AQP2: variants seen among roughly 807,000 people sequenced by gnomAD.
AQP2 encodes aquaporin-2.
Under a neutral mutation model 21.6 loss-of-function variants are expected in AQP2, and 20 were observed. The observed-to-expected ratio is 0.92, with a 90% confidence interval of 0.65 to 1.34. AQP2 has a LOEUF of 1.34. Ranked by LOEUF, AQP2 falls within the 40% of genes most tolerant of loss-of-function variation. The pLI, the probability that AQP2 is intolerant of heterozygous loss-of-function variation, is 0.00. For missense variants in AQP2, 325 were observed against 363.4 expected, an observed-to-expected ratio of 0.89 and a Z score of 0.86; for synonymous variants, 168 against 166.9, an observed-to-expected ratio of 1.01 and a Z score of -0.05.
rs751967196 is a variant in AQP2, at chr12:49,955,518, G to A, written c.726G>A (p.Pro242=). The A allele has an allele frequency of 3.6e-5, 58 of 1,612,010 alleles. No individual in the cohort carries two copies. Among genetic ancestry groups the A allele is most frequent in the Non-Finnish European group, 4.5e-5 (53 of 1,179,676 alleles). Residue 242 remains proline, a synonymous_variant, in exon 4 of 4, where the codon CCG becomes CCA. Transcript: ENST00000199280. ...TGGCAGTGCTGAAGGGCCTGGAGCC[G>A]GACACCGATTGGGAGGAGCGCGAGG... ...ERLAVLKGLE[P]DTDWEEREVR...
At chr12:49,951,388 A>T in intron 1 of AQP2, 198 bp downstream of exon 1, 1 of 755,882 alleles carries the variant, frequency 1.3e-6, no homozygotes, top group Non-Finnish European at 2.0e-6. Context: ...GCAAAGCAGG[A>T]TGCAGACAGA....
In AQP2 at chr12:49,956,680, C is replaced by T. The variant is rs1486459191; in HGVS notation, c.*1072C>T. 1.3e-5 allele frequency: 2 copies of T among 152,260 alleles called. No homozygotes were observed. The highest frequency in any genetic ancestry group is 4.8e-5 in the African/African-American group (2 of 41,448). 9.4% of individuals were successfully genotyped at this position (152,260 alleles called of 1,614,324 possible). ...ACACTCAGTTTCACAAGTGAGCCCT[C>T]TTGCCCAGCACACACCTATGGCTGG... On this transcript the variant is annotated 3_prime_UTR_variant, in exon 4 of 4. Coordinates refer to ENST00000199280, the MANE Select transcript of AQP2 (RefSeq NM_000486.6).
chr12:49,957,718 G>A lies in AQP2; in HGVS notation c.*2110G>A, dbSNP rs1339586010. On this transcript the variant is annotated 3_prime_UTR_variant, in exon 4 of 4. Coordinates refer to ENST00000199280, the MANE Select transcript of AQP2 (RefSeq NM_000486.6). Reference sequence around the variant, plus strand: ...CCACTTGGCCTCACTACCAGAAGAAGGGTGGAGTCAGAAACCAAAGTGACC... The same window carrying A: ...CCACTTGGCCTCACTACCAGAAGAAAGGTGGAGTCAGAAACCAAAGTGACC... 1 of 152,216 alleles carries A rather than the reference G, an allele frequency of 6.6e-6. No homozygotes were observed. The highest frequency in any genetic ancestry group is 2.4e-5 in the African/African-American group (1 of 41,428). 9.4% of individuals were successfully genotyped at this position (152,216 alleles called of 1,614,324 possible). A position where few individuals can be genotyped will look rare whatever the true frequency, so the allele number is the denominator to read the frequency against.
chr12:49,951,465 C>A, intron 1 of AQP2: 1 of 520,660 alleles, frequency 1.9e-6, no homozygotes, highest in Non-Finnish European at 3.4e-6. Context: ...TTGGACTCAA[C>A]GCCTACATTA....
In AQP2 at chr12:49,958,001, A is replaced by G. The variant is rs1461071954; in HGVS notation, c.*2393A>G. ...TTGCCCAGATTGGAGTCAGAGGTCA[A>G]AAAAGGATTCCAAGTGATGGAACTC... On this transcript the variant is annotated 3_prime_UTR_variant, in exon 4 of 4. Transcript: ENST00000199280. The G allele has an allele frequency of 6.6e-6, 1 of 152,218 alleles. No homozygotes were observed. The highest frequency in any genetic ancestry group is 1.5e-5 in the Non-Finnish European group (1 of 68,048). 9.4% of individuals were successfully genotyped at this position (152,218 alleles called of 1,614,324 possible).
rs1947359687 is a variant in AQP2, at chr12:49,955,384, T to C, written c.607-15T>C. On this transcript the variant is annotated splice_polypyrimidine_tract_variant and intron_variant, in intron 3 of 3. Coordinates refer to ENST00000199280, the MANE Select transcript of AQP2 (RefSeq NM_000486.6). ...CCGGCGCGGGTGCCAAGCCGCCCTC[T>C]CCGCTCGCCCCCAGGTCTTCTGGAT... The C allele has an allele frequency of 6.2e-7, 1 of 1,609,820 alleles. No homozygotes were observed. Among genetic ancestry groups the C allele is most frequent in the African/African-American group, 1.3e-5 (1 of 74,844 alleles).
rs575346865 is a variant in AQP2, at chr12:49,951,003, C to G, written c.173C>G (p.Ala58Gly). The stretch of plus-strand genomic sequence containing the variant: ...TTGGGTATTGGCACCCTGGTACAGG[C>G]TCTGGGCCACATAAGCGGGGCCCAC... ...FGLGIGTLVQALGHISGAHIN... is the reference protein window; with the variant it reads ...FGLGIGTLVQGLGHISGAHIN... Residue 58 changes from alanine (A) to glycine (G), a missense_variant, in exon 1 of 4, where the codon GCT (alanine) becomes GGT (glycine). Transcript: ENST00000199280. 6.8e-6 allele frequency: 11 copies of G among 1,614,122 alleles called. No homozygotes were observed. Among genetic ancestry groups the G allele is most frequent in the African/African-American group, 2.7e-5 (2 of 75,074 alleles).
At position 49,950,765 on chromosome 12, in the gene AQP2, C is replaced by A; in HGVS notation, c.-66C>A. 6.4e-7 allele frequency: 1 copy of A among 1,571,880 alleles called. No individual in the cohort carries two copies. The highest frequency in any genetic ancestry group is 1.1e-5 in the South Asian group (1 of 88,504). ...CCTTGAGAAAGAGAGCGATAGAGTG[C>A]GAGAGCGAGTGCCCGGAGCATCCTG... is the stretch of plus-strand genomic sequence containing the variant. On this transcript the variant is annotated 5_prime_UTR_variant, in exon 1 of 4. Coordinates refer to ENST00000199280, the MANE Select transcript of AQP2 (RefSeq NM_000486.6).
intron 1 of AQP2, among the ~76,000 whole-genome samples, chr12:49,953,664 C>T (rs1259602104): frequency 6.6e-6 from 1 of 152,210 alleles, no homozygotes; most frequent in Non-Finnish European, 1.5e-5. Context: ...GTCCCCCAGA[C>T]CCAAGTCCCT....
Position 49,950,825 on chromosome 12 carries a change from T to C in AQP2, c.-6T>C. ...CAGCTGGGCCAGCCCCGCAGGGCTC[T>C]GCAGCATGTGGGAGCTCCGCTCCAT... On this transcript the variant is annotated 5_prime_UTR_variant, in exon 1 of 4. Transcript: ENST00000199280. The C allele has an allele frequency of 6.2e-7, 1 of 1,610,762 alleles. No individual in the cohort carries two copies. The highest frequency in any genetic ancestry group is 8.5e-7 in the Non-Finnish European group (1 of 1,177,778).
chr12:49,954,564 C>A (rs1315995588), intron 2 of AQP2, 66 bp from the exon 3 acceptor site: 5 of 1,562,330 alleles, frequency 3.2e-6, no homozygotes, highest in Admixed American at 3.3e-5. Context: ...CACTGCAGTG[C>A]GGGACAAGGA....
Position 49,954,242 on chromosome 12 carries a change from G to A in AQP2, c.448G>A (p.Asp150Asn), listed in dbSNP as rs1206293615. 1.1e-5 allele frequency: 18 copies of A among 1,606,166 alleles called. No homozygotes were observed. Among genetic ancestry groups the A allele is most frequent in the African/African-American group, 2.7e-5 (2 of 74,896 alleles). Residue 150 changes from aspartate (D) to asparagine (N), a missense_variant, in exon 2 of 4, where the codon GAT becomes AAT. Coordinates refer to ENST00000199280, the MANE Select transcript of AQP2 (RefSeq NM_000486.6). ...QLVLCIFAST[D>N]ERRGENPGTP... ...GGTGCTCTGCATCTTCGCCTCCACCGATGAGCGCCGCGGAGAGAACCCGGG... is the reference window on the plus strand; with the variant it reads ...GGTGCTCTGCATCTTCGCCTCCACCAATGAGCGCCGCGGAGAGAACCCGGG...
In AQP2 at chr12:49,955,987, A is replaced by G. The variant is rs1368637751; in HGVS notation, c.*379A>G. The G allele has an allele frequency of 2.4e-6, 1 of 414,076 alleles. No individual in the cohort carries two copies. The highest frequency in any genetic ancestry group is 3.7e-5 in the Admixed American group (1 of 27,060). 25.7% of individuals were successfully genotyped at this position (414,076 alleles called of 1,614,324 possible). ...GACCCCTGCCTTGGGGGTTCCGGGA[A>G]TGATGCAACTGGTTTTACTAGTGTG... On this transcript the variant is annotated 3_prime_UTR_variant, in exon 4 of 4. Coordinates refer to ENST00000199280, the MANE Select transcript of AQP2 (RefSeq NM_000486.6).
At chr12:49,954,601 C>A in intron 2 of AQP2, 29 bp from the exon 3 acceptor site, 1 of 1,612,200 alleles carries the variant, frequency 6.2e-7, no homozygotes, top group Non-Finnish European at 8.5e-7. Context: ...CACCTCCCTT[C>A]TCTCTTTGAT....
rs1420691120 is a variant in AQP2, at chr12:49,955,406, G to T, written c.614G>T (p.Trp205Leu). The T allele has an allele frequency of 6.2e-7, 1 of 1,612,486 alleles. No homozygotes were observed. Among genetic ancestry groups the T allele is most frequent in the Admixed American group, 1.7e-5 (1 of 60,016 alleles). Reference sequence around the variant, plus strand: ...CTCTCCGCTCGCCCCCAGGTCTTCTGGATCGGACCCCTGGTGGGCGCCATC... The same window carrying T: ...CTCTCCGCTCGCCCCCAGGTCTTCTTGATCGGACCCCTGGTGGGCGCCATC... ...TGKFDDHWVF[W>L]IGPLVGAILG... The change falls in exon 4 of 4, where the codon TGG becomes TTG. Residue 205 changes from tryptophan to leucine, a missense_variant. Transcript: ENST00000199280.
chr12:49,955,924 G>T lies in AQP2; in HGVS notation c.*316G>T. 1.8e-6 allele frequency: 1 copy of T among 553,964 alleles called. No homozygotes were observed. Among genetic ancestry groups the T allele is most frequent in the African/African-American group, 1.9e-5 (1 of 53,174 alleles). 34.3% of individuals were successfully genotyped at this position (553,964 alleles called of 1,614,324 possible). ...AGGTGGGTGGTAAGAGGGAAACTCT[G>T]GAGAGCCTGCACCCAGGTACTGAGT... On this transcript the variant is annotated 3_prime_UTR_variant, in exon 4 of 4. Coordinates refer to ENST00000199280, the MANE Select transcript of AQP2 (RefSeq NM_000486.6).
In AQP2 at chr12:49,955,788, A is replaced by G. The variant is rs1592817159; in HGVS notation, c.*180A>G. 1 of 859,102 alleles carries G rather than the reference A, an allele frequency of 1.2e-6. No individual in the cohort carries two copies. Among genetic ancestry groups the G allele is most frequent in the Non-Finnish European group, 1.9e-6 (1 of 531,644 alleles). 53.2% of individuals were successfully genotyped at this position (859,102 alleles called of 1,614,324 possible). On this transcript the variant is annotated 3_prime_UTR_variant, in exon 4 of 4. Transcript: ENST00000199280. ...AGGCGGGGAGGAGGCTGCCGGAGGG[A>G]GCCCTGAGCCTGGCAGGTCCCCTGC... is the stretch of plus-strand genomic sequence containing the variant.
At position 49,950,970 on chromosome 12, in the gene AQP2, C is replaced by A. The variant is rs995684800; in HGVS notation, c.140C>A (p.Ala47Glu). ...ALPSVLQIAM[A>E]FGLGIGTLVQ... ...CCCTCTGTGCTACAGATTGCCATGG[C>A]GTTTGGCTTGGGTATTGGCACCCTG... Residue 47 changes from alanine (A) to glutamate (E), a missense_variant, in exon 1 of 4, where the codon GCG becomes GAG. Physicochemically the swap from Ala to Glu is moderately radical, Grantham distance 107 (BLOSUM62 -1). Coordinates refer to ENST00000199280, the MANE Select transcript of AQP2 (RefSeq NM_000486.6). 6.2e-7 allele frequency: 1 copy of A among 1,614,190 alleles called. No homozygotes were observed. The highest frequency in any genetic ancestry group is 8.5e-7 in the Non-Finnish European group (1 of 1,180,040).
In AQP2 at chr12:49,951,103, T is replaced by G. The variant is rs773199091; in HGVS notation, c.273T>G (p.Ala91=). Residue 91 remains alanine, a synonymous_variant, in exon 1 of 4, where the codon GCT becomes GCG. Transcript: ENST00000199280. ...TTCTCCGAGCCGCCTTCTACGTGGCTGCCCAGCTGCTGGGGGCTGTGGCCG... is the reference window on the plus strand; with the variant it reads ...TTCTCCGAGCCGCCTTCTACGTGGCGGCCCAGCTGCTGGGGGCTGTGGCCG... The part of the protein sequence containing the change: ...VSVLRAAFYV[A]AQLLGAVAGA... 6.2e-7 allele frequency: 1 copy of G among 1,608,698 alleles called. No individual in the cohort carries two copies. The highest frequency in any genetic ancestry group is 1.7e-5 in the Admixed American group (1 of 59,894).
Sources: gnomAD v4.1 joint callset for allele counts (sites outside exome capture counted in the v4.1 genomes callset) on GRCh38, gnomAD v4.1.1 for gene constraint, MANE v1.5 for transcripts, NCBI Gene and HGNC (gene_info 2026-07-23, HGNC 2026-07-21) for gene names.